The following TANC1 variants were observed in gnomAD, a reference collection of about 807,000 sequenced individuals.
TANC1 encodes tetratricopeptide repeat, ankyrin repeat and coiled-coil containing 1.
Under a neutral mutation model 149.7 loss-of-function variants are expected in TANC1, and 77 were observed. That is an observed-to-expected ratio of 0.51 (90% CI 0.43 to 0.62). TANC1 has a LOEUF of 0.62. Among genes scored for constraint, TANC1 ranks in the 20% least tolerant of loss-of-function variants. TANC1 has a pLI of 0.00. For missense variants in TANC1, 1,985 were observed against 2,321.8 expected (o/e 0.85, Z 2.98); for synonymous variants, 854 against 925.0 (o/e 0.92, Z 1.39).
chr2:158,992,922 C>T (rs1395566852), intron 1 of TANC1, among the ~76,000 whole-genome samples: 1 of 152,134 alleles, frequency 6.6e-6, no homozygotes. Flanking sequence ...CTTCACTGTG[C>T]TTCACTTGCA....
chr2:158,997,203 A>C (rs1160411694), intron 1 of TANC1, among the ~76,000 whole-genome samples: 1 of 152,208 alleles, frequency 6.6e-6, no homozygotes, highest in Non-Finnish European at 1.5e-5. Context: ...ACAGGTTGAC[A>C]GTTCCAACGC....
intron 14 of TANC1, among the ~76,000 whole-genome samples, chr2:159,185,378 C>T (rs2056877867): frequency 1.3e-5 from 2 of 152,226 alleles, no homozygotes; most frequent in African/African-American, 2.4e-5. Flanking sequence ...ATGCCTTAGC[C>T]TTCTTCTCAC....
At position 159,178,920 on chromosome 2, in the gene TANC1, C is replaced by T. The variant is rs1286364514; in HGVS notation, c.2267C>T (p.Pro756Leu). 3.7e-6 allele frequency: 6 copies of T among 1,614,026 alleles called. No homozygotes were observed. Among genetic ancestry groups the T allele is most frequent in the Non-Finnish European group, 5.1e-6 (6 of 1,180,034 alleles). The change falls in exon 14 of 27, where the codon CCG becomes CTG. Residue 756 changes from proline (P) to leucine (L), a missense_variant. Physicochemically the swap from Pro to Leu is moderately conservative, Grantham distance 98. Coordinates refer to ENST00000263635, the MANE Select transcript of TANC1 (RefSeq NM_033394.3). ...CAGTCCGCCTTTGAGAGGGCACTTC[C>T]GATTCTCAACGTGGCCCTCGCATCC... ...MTQSAFERAL[P>L]ILNVALASLH...
intron 14 of TANC1, among the ~76,000 whole-genome samples, chr2:159,180,077 T>C (rs1345974372): frequency 6.6e-6 from 1 of 152,172 alleles, no homozygotes; most frequent in East Asian, 1.9e-4. Flanking sequence ...TGGTGAGCCC[T>C]GGGAGCCTCA....
intron 4 of TANC1, among the ~76,000 whole-genome samples, chr2:159,101,433 G>A (rs4665022): frequency 0.29 from 44,446 of 151,842 alleles, 6,681 homozygotes; most frequent in South Asian, 0.41. Flanking sequence ...GACCCTGCAT[G>A]TTACATGATT....
intron 4 of TANC1, among the ~76,000 whole-genome samples, chr2:159,126,882 A>G (rs1412683621): frequency 1.3e-5 from 2 of 152,260 alleles, no homozygotes; most frequent in Non-Finnish European, 2.9e-5. Context: ...TGTGTCACAG[A>G]TATTTGTTGA....
chr2:159,208,510 T>C (rs1357200933), intron 19 of TANC1, among the ~76,000 whole-genome samples: 1 of 152,170 alleles, frequency 6.6e-6, no homozygotes, highest in Admixed American at 6.5e-5. Flanking sequence ...TGGTCAGGAG[T>C]GTTCTGGTTA....
intron 25 of TANC1, 56 bp from the exon 26 acceptor site, chr2:159,228,740 T>A: frequency 7.7e-7 from 1 of 1,304,736 alleles, no homozygotes; most frequent in Non-Finnish European, 1.1e-6. Flanking sequence ...TAGACGGGCT[T>A]CCCACAATCG....
At chr2:159,003,898 G>T (rs1196060174) in intron 2 of TANC1, 3 of 1,612,896 alleles carry the variant, frequency 1.9e-6, no homozygotes, top group Non-Finnish European at 2.5e-6. Flanking sequence ...TAGGGGGCAA[G>T]GATACAGCTC....
chr2:159,219,407 G>T, intron 21 of TANC1, 46 bp downstream of exon 21: 1 of 1,612,206 alleles, frequency 6.2e-7, no homozygotes, highest in Non-Finnish European at 8.5e-7. Context: ...CGGACACAGA[G>T]AGAACTTCAG....
intron 19 of TANC1, among the ~76,000 whole-genome samples, chr2:159,210,513 C>G (rs2058912447): frequency 6.6e-6 from 1 of 152,138 alleles, no homozygotes; most frequent in Admixed American, 6.5e-5. Context: ...GCAAAAAGCT[C>G]TCTCACTGCT....
rs1239063633 is a variant in TANC1, at chr2:159,225,903, T to C, written c.3903+124T>C. ...ATGTAATAGAAGTGCAAAAAGTGGC[T>C]GGGTGGGGTGGCTCACGCCTGTAAC... On this transcript the variant is annotated intron_variant, in intron 24 of 26. Coordinates refer to ENST00000263635, the MANE Select transcript of TANC1 (RefSeq NM_033394.3). 6.2e-6 allele frequency: 5 copies of C among 811,134 alleles called. No individual in the cohort carries two copies. The Admixed American group carries it at 8.4e-5, about 14-fold the overall frequency. 50.2% of individuals were successfully genotyped at this position (811,134 alleles called of 1,614,324 possible).
Position 159,170,723 on chromosome 2 carries a change from C to T in TANC1, c.1269C>T (p.Ile423=). 1 of 1,614,178 alleles carries T rather than the reference C, an allele frequency of 6.2e-7. No individual in the cohort carries two copies. Among genetic ancestry groups the T allele is most frequent in the Non-Finnish European group, 8.5e-7 (1 of 1,180,036 alleles). Residue 423 remains isoleucine, a synonymous_variant, in exon 10 of 27, where the codon ATC becomes ATT. Coordinates refer to ENST00000263635, the MANE Select transcript of TANC1 (RefSeq NM_033394.3). ...VGNVGFGKTA[I]ISKLVALSCH... ...ATGTGGGATTTGGGAAGACGGCAAT[C>T]ATTTCCAAGTTGGTGGCCCTGAGCT...
At position 159,230,542 on chromosome 2, in the gene TANC1, G is replaced by A; in HGVS notation, c.5116G>A (p.Val1706Ile). The change falls in exon 27 of 27, where the codon GTA (valine) becomes ATA (isoleucine). Residue 1706 changes from valine (V) to isoleucine (I), a missense_variant. This residue lies in a region of TANC1 where 920 missense variants were observed against 994.7 expected (regional missense o/e 0.92). Transcript: ENST00000263635. This position sits in a 1 kb window ranked among gnomAD's most constrained non-coding sequence, Gnocchi z 4.4. Reference protein sequence around the residue: ...GPDTRIKDKVVTHVQSGTAEH... With the variant: ...GPDTRIKDKVITHVQSGTAEH... ...AGATACTAGAATTAAAGACAAGGTT[G>A]TAACCCACGTTCAGAGCGGTACAGC... 1 of 1,614,202 alleles carries A rather than the reference G, an allele frequency of 6.2e-7. No individual in the cohort carries two copies. The highest frequency in any genetic ancestry group is 2.2e-5 in the East Asian group (1 of 44,882).
chr2:159,099,421 T>C (rs368114430), intron 4 of TANC1, among the ~76,000 whole-genome samples: 11 of 152,202 alleles, frequency 7.2e-5, no homozygotes, highest in African/African-American at 2.4e-4. Context: ...CCAAAAAGTA[T>C]GCACAGTGTT....
At chr2:159,015,618 C>T (rs1421562203) in intron 2 of TANC1, among the ~76,000 whole-genome samples, 1 of 152,174 alleles carries the variant, frequency 6.6e-6, no homozygotes, top group Non-Finnish European at 1.5e-5. Context: ...AGATGCTCTG[C>T]TTCCCTTATA....
intron 1 of TANC1, among the ~76,000 whole-genome samples, chr2:158,974,136 G>A (rs1406083840): frequency 6.6e-6 from 1 of 152,198 alleles, no homozygotes. Flanking sequence ...CCATACAACA[G>A]CATTCTGTGT....
At chr2:159,087,161 G>A (rs1158862427) in intron 3 of TANC1, among the ~76,000 whole-genome samples, 1 of 152,026 alleles carries the variant, frequency 6.6e-6, no homozygotes, top group African/African-American at 2.4e-5. Context: ...GCCCGTTCCT[G>A]AAAGAGAAGG....
intron 4 of TANC1, among the ~76,000 whole-genome samples, chr2:159,126,930 A>G (rs999001051): frequency 6.6e-6 from 1 of 152,248 alleles, no homozygotes. Flanking sequence ...ATGCTTTCAT[A>G]TATAACAATT....
Sources: allele counts gnomAD v4.1 joint callset (sites outside exome capture counted in the v4.1 genomes callset), GRCh38; gene constraint gnomAD v4.1.1; regional missense constraint gnomAD v4.1.1; non-coding constraint Gnocchi (gnomAD v3.1); transcripts MANE v1.5; gene names NCBI Gene and HGNC (gene_info 2026-07-23, HGNC 2026-07-21).